KCTD16: variants seen among roughly 807,000 people sequenced by gnomAD.
KCTD16 encodes the protein potassium channel tetramerization domain containing 16, also known as BTB/POZ domain-containing protein KCTD16.
Under a neutral mutation model 33.2 loss-of-function variants are expected in KCTD16, and 13 were observed. The ratio of observed to expected loss-of-function variants is 0.39; its 90% CI spans 0.25 to 0.62. KCTD16 has a LOEUF of 0.62. Among genes scored for constraint, KCTD16 ranks in the 20% least tolerant of loss-of-function variants. KCTD16 has a pLI of 0.50. For missense variants in KCTD16, 441 were observed against 525.1 expected (o/e 0.84, Z 1.57); for synonymous variants, 197 against 195.3 (o/e 1.01, Z -0.07).
chr5:144,245,354 A>C, intron 3 of KCTD16, among the ~76,000 whole-genome samples: 1 of 152,240 alleles, frequency 6.6e-6, no homozygotes, highest in East Asian at 1.9e-4. Context: ...CAGAGAAGTC[A>C]AGGAAAACAT....
At chr5:144,270,427 A>G (rs1235418603) in intron 3 of KCTD16, among the ~76,000 whole-genome samples, 1 of 151,950 alleles carries the variant, frequency 6.6e-6, no homozygotes, top group Non-Finnish European at 1.5e-5. Context: ...ACATACAAGC[A>G]ATGGATCAAA....
At chr5:144,384,308 A>G (rs1275470993) in intron 3 of KCTD16, 1 of 152,122 alleles carries the variant, frequency 6.6e-6, no homozygotes, top group African/African-American at 2.4e-5. Context: ...AAAGCTGGTA[A>G]GGGGATAGAA....
rs568179987 is a variant in KCTD16, at chr5:144,473,738, G to A, written c.911G>A (p.Gly304Asp). 58 of 1,613,456 alleles carry A rather than the reference G, an allele frequency of 3.6e-5. No homozygotes were observed. In the South Asian group the frequency reaches 6.4e-4, roughly 18 times the overall value. Residue 304 changes from glycine to aspartate, a missense_variant, in exon 4 of 4, where the codon GGC becomes GAC. By Grantham distance (94) the Gly-to-Asp change is moderately conservative (BLOSUM62 -1). Transcript: ENST00000512467. ...NGKGDKEGESGTSCNDLSTSS... is the reference protein window; with the variant it reads ...NGKGDKEGESDTSCNDLSTSS... ...AAAGGTGACAAAGAAGGGGAGAGCG[G>A]CACGTCTTGCAATGACCTCTCCACA...
At chr5:144,455,256 C>T (rs948713107) in intron 3 of KCTD16, among the ~76,000 whole-genome samples, 7 of 152,100 alleles carry the variant, frequency 4.6e-5, no homozygotes, top group Non-Finnish European at 1.0e-4. Flanking sequence ...TCTGCTTCCA[C>T]ATGGCCCCTT....
intron 3 of KCTD16, among the ~76,000 whole-genome samples, chr5:144,299,100 A>G (rs1414534338): frequency 0.035 from 254 of 7,174 alleles, 17 homozygotes; most frequent in South Asian, 0.09. Flanking sequence ...CACTATGTAT[A>G]TATATATATA....
chr5:144,470,785 A>G (rs551893530), intron 3 of KCTD16, among the ~76,000 whole-genome samples: 23 of 152,348 alleles, frequency 1.5e-4, no homozygotes, highest in African/African-American at 5.3e-4. Flanking sequence ...AAATAACTGC[A>G]CCATTGCCAG....
At chr5:144,377,286 C>T (rs1192339846) in intron 3 of KCTD16, among the ~76,000 whole-genome samples, 1 of 152,080 alleles carries the variant, frequency 6.6e-6, no homozygotes, top group Non-Finnish European at 1.5e-5. Context: ...ATACATGAGT[C>T]AAGTGGCTGG....
intron 3 of KCTD16, among the ~76,000 whole-genome samples, chr5:144,466,988 CTATATATATTA>C (rs200061962): frequency 0.28 from 26,273 of 93,808 alleles, 3,734 homozygotes; most frequent in East Asian, 0.49. Flanking sequence ...ATATATAACA[CTATATATATTA>C]TATATATTAT....
At position 144,252,591 on chromosome 5, in the gene KCTD16, G is replaced by A. The variant is rs139667949; in HGVS notation, c.832+45045G>A. 4.4e-3 allele frequency among the ~76,000 whole-genome samples: 663 copies of A among 151,522 alleles called. 6 individuals are homozygous for A. Among genetic ancestry groups the A allele is most frequent in the African/African-American group, 0.015 (634 of 41,298 alleles). ...CAGGCTAGGGTGACAATTGGCATCT[G>A]CAGTCTCACAGGTGAATTTTTTTTT... is the stretch of plus-strand genomic sequence containing the variant. On this transcript the variant is annotated intron_variant, in intron 3 of 3. Coordinates refer to ENST00000512467, the MANE Select transcript of KCTD16 (RefSeq NM_020768.4).
intron 3 of KCTD16, among the ~76,000 whole-genome samples, chr5:144,227,628 G>A (rs1753974701): frequency 6.6e-6 from 1 of 152,180 alleles, no homozygotes; most frequent in Admixed American, 6.5e-5. Flanking sequence ...AGCTGCTGTT[G>A]TATTCAACCT....
At chr5:144,196,540 C>T (rs761029515) in intron 2 of KCTD16, among the ~76,000 whole-genome samples, 1 of 152,088 alleles carries the variant, frequency 6.6e-6, no homozygotes, top group Non-Finnish European at 1.5e-5. Context: ...GTAATTGCAG[C>T]TTCTATGTCC....
At chr5:144,343,749 G>A (rs1580888158) in intron 3 of KCTD16, among the ~76,000 whole-genome samples, 1 of 152,122 alleles carries the variant, frequency 6.6e-6, no homozygotes, top group Non-Finnish European at 1.5e-5. Context: ...ACACTGCTTT[G>A]AATGTGTCCC....
intron 3 of KCTD16, among the ~76,000 whole-genome samples, chr5:144,303,726 T>C (rs947017104): frequency 6.6e-6 from 1 of 152,088 alleles, no homozygotes; most frequent in East Asian, 1.9e-4. Flanking sequence ...AGATCCAGGT[T>C]GGGGCTCAGG....
Position 144,485,675 on chromosome 5 carries a change from C to A in KCTD16, c.*11561C>A, listed in dbSNP as rs914405716. The A allele has an allele frequency of 6.6e-6, 1 of 151,870 alleles. No homozygotes were observed. The highest frequency in any genetic ancestry group is 2.4e-5 in the African/African-American group (1 of 41,398). 9.4% of individuals were successfully genotyped at this position (151,870 alleles called of 1,614,324 possible). Reference sequence around the variant, plus strand: ...TAATTTAGCACAAATCATAATAAATCATTTGGTAACATTTAGTTGTTATAT... The same window carrying A: ...TAATTTAGCACAAATCATAATAAATAATTTGGTAACATTTAGTTGTTATAT... On this transcript the variant is annotated 3_prime_UTR_variant, in exon 4 of 4. Coordinates refer to ENST00000512467, the MANE Select transcript of KCTD16 (RefSeq NM_020768.4).
chr5:144,330,238 C>T (rs1050542634), intron 3 of KCTD16, among the ~76,000 whole-genome samples: 9 of 151,822 alleles, frequency 5.9e-5, no homozygotes, highest in Non-Finnish European at 1.3e-4. Flanking sequence ...TATGGTGAAA[C>T]CCCGTCTCTA....
At chr5:144,382,562 A>G (rs904747634) in intron 3 of KCTD16, among the ~76,000 whole-genome samples, 1 of 152,150 alleles carries the variant, frequency 6.6e-6, no homozygotes, top group Non-Finnish European at 1.5e-5. Context: ...TGAATATGGA[A>G]TAGAAACATC....
rs772665965 is a variant in KCTD16, at chr5:144,207,167, C to T, written c.453C>T (p.Cys151=). Residue 151 remains cysteine (C), a synonymous_variant, in exon 3 of 4, where the codon TGC becomes TGT. Transcript: ENST00000512467. ...CCCAAGGAAGCGACACAAGAATCTG[C>T]CCCCCTTCCTCCCTGCTCCCTGCCG... The part of the protein sequence containing the change: ...DASQGSDTRI[C]PPSSLLPADR... 4.3e-6 allele frequency: 7 copies of T among 1,612,374 alleles called. No homozygotes were observed. The highest frequency in any genetic ancestry group is 1.1e-5 in the South Asian group (1 of 90,748).
chr5:144,230,222 G>A (rs1166252868), intron 3 of KCTD16, among the ~76,000 whole-genome samples: 1 of 152,208 alleles, frequency 6.6e-6, no homozygotes, highest in Admixed American at 6.5e-5. Context: ...GTATTGTATG[G>A]AATTGCAGTT....
Position 144,290,937 on chromosome 5 carries a change from C to T in KCTD16, c.832+83391C>T, listed in dbSNP as rs141117050. 2.1e-4 allele frequency among the ~76,000 whole-genome samples: 32 copies of T among 152,202 alleles called. No individual in the cohort carries two copies. In the East Asian group the frequency reaches 4.4e-3, roughly 21 times the overall value. ...AGATAATTTATTAACTTATTTATAA[C>T]CTTCTTGGTTCAAAAGTATTTTAAT... On this transcript the variant is annotated intron_variant, in intron 3 of 3. Coordinates refer to ENST00000512467, the MANE Select transcript of KCTD16 (RefSeq NM_020768.4).
Sources: gnomAD v4.1 joint callset for allele counts (sites outside exome capture counted in the v4.1 genomes callset) on GRCh38, gnomAD v4.1.1 for gene constraint, MANE v1.5 for transcripts, NCBI Gene and HGNC (gene_info 2026-07-23, HGNC 2026-07-21) for gene names.